The following DIPK1A variants were observed in gnomAD, a reference collection of about 807,000 sequenced individuals.
The protein encoded by DIPK1A is divergent protein kinase domain 1A.
A neutral mutation model predicts 40.8 loss-of-function variants in DIPK1A; 27 were observed. That is an observed-to-expected ratio of 0.66 (90% CI 0.49 to 0.91). The LOEUF is 0.91. Among genes scored for constraint, DIPK1A ranks in the 40% least tolerant of loss-of-function variants. The pLI is 0.00. For missense variants in DIPK1A, 412 were observed against 505.7 expected (o/e 0.81, Z 1.78); for synonymous variants, 166 against 171.3 (o/e 0.97, Z 0.24).
downstream of DIPK1A, chr1:92,841,968 C>A: frequency 2.0e-6 from 2 of 994,126 alleles, no homozygotes; most frequent in South Asian, 1.7e-5. Flanking sequence ...ATAGGAAATA[C>A]CCTGAAATAT....
chr1:92,903,209 C>A (rs1025358320), intron 1 of DIPK1A, among the ~76,000 whole-genome samples: 11 of 152,048 alleles, frequency 7.2e-5, no homozygotes, highest in African/African-American at 2.7e-4. Context: ...CCACTCCAGG[C>A]TAATTTTTGT....
At chr1:92,951,850 A>G (rs1651645452) in intron 1 of DIPK1A, among the ~76,000 whole-genome samples, 1 of 151,852 alleles carries the variant, frequency 6.6e-6, no homozygotes, top group African/African-American at 2.4e-5. Flanking sequence ...ATACCTACCT[A>G]TATTTATCAA....
At chr1:92,904,442 A>C (rs1256483030) in intron 1 of DIPK1A, among the ~76,000 whole-genome samples, 1 of 152,222 alleles carries the variant, frequency 6.6e-6, no homozygotes, top group Non-Finnish European at 1.5e-5. Context: ...TTATGTTTTA[A>C]GTGAATGTTG....
intron 1 of DIPK1A, among the ~76,000 whole-genome samples, chr1:92,894,565 T>C (rs970783101): frequency 2.0e-5 from 3 of 151,926 alleles, no homozygotes; most frequent in African/African-American, 7.3e-5. Flanking sequence ...AGATCTAAAA[T>C]TGACACCCTA....
chr1:92,876,295 C>T lies in DIPK1A; in HGVS notation c.189+1G>A. On this transcript the variant is annotated splice_donor_variant, in intron 2 of 4. Coordinates refer to ENST00000370310, the MANE Select transcript of DIPK1A (RefSeq NM_001006605.5). LOFTEE classifies it high-confidence loss of function. ...GTAAACAGGAAATTTAAAATACTTA[C>T]TATTATTTTCTTACAGTCCTTTCCT... 2 of 1,502,062 alleles carry T rather than the reference C, an allele frequency of 1.3e-6. No individual in the cohort carries two copies. Among genetic ancestry groups the T allele is most frequent in the Non-Finnish European group, 1.8e-6 (2 of 1,113,646 alleles). 93.0% of individuals were successfully genotyped at this position (1,502,062 alleles called of 1,614,324 possible). A position where few individuals can be genotyped will look rare whatever the true frequency, so the allele number is the denominator to read the frequency against.
At chr1:92,910,621 T>A (rs115190770) in intron 1 of DIPK1A, among the ~76,000 whole-genome samples, 3,044 of 151,882 alleles carry the variant, frequency 0.02, 72 homozygotes, top group African/African-American at 0.055. Context: ...AATAAATAAT[T>A]ATTATTAAAA....
intron 1 of DIPK1A, among the ~76,000 whole-genome samples, chr1:92,912,273 T>C (rs1408405146): frequency 6.6e-6 from 1 of 152,050 alleles, no homozygotes; most frequent in Admixed American, 6.6e-5. Flanking sequence ...ATGTTTAAGT[T>C]GCTGCCCCAT....
intron 1 of DIPK1A, among the ~76,000 whole-genome samples, chr1:92,923,863 G>C (rs1650371203): frequency 6.6e-6 from 1 of 151,638 alleles, no homozygotes; most frequent in Non-Finnish European, 1.5e-5. Context: ...GTGTTACACA[G>C]AAATGATGGA....
Position 92,935,870 on chromosome 1 carries a change from C to A in DIPK1A, c.54+25506G>T, listed in dbSNP as rs1057428054. On this transcript the variant is annotated intron_variant, in intron 1 of 4. Coordinates refer to ENST00000370310, the MANE Select transcript of DIPK1A (RefSeq NM_001006605.5). ...GGCTGAGGCGGGAGGATCAGGAGTT[C>A]ACGACCAGCCTGGGTAACAAAGCGA... Among the ~76,000 whole-genome samples, 7 of 151,964 alleles carry A rather than the reference C, an allele frequency of 4.6e-5. No homozygotes were observed. The East Asian group carries it at 1.4e-3, about 29-fold the overall frequency.
chr1:92,933,240 TTAAAA>T (rs1332465478), intron 1 of DIPK1A: 3 of 151,706 alleles, frequency 2.0e-5, no homozygotes, highest in South Asian at 4.2e-4. Context: ...AGAACATAAC[TTAAAA>T]TAAAAATCAA....
chr1:92,871,877 G>A (rs1401522539), intron 2 of DIPK1A, among the ~76,000 whole-genome samples: 3 of 151,882 alleles, frequency 2.0e-5, no homozygotes, highest in Non-Finnish European at 2.9e-5. Context: ...TGGACAGTTG[G>A]CTTGTTTCCA....
At chr1:92,922,364 T>C (rs1166810758) in intron 1 of DIPK1A, among the ~76,000 whole-genome samples, 7 of 151,364 alleles carry the variant, frequency 4.6e-5, no homozygotes, top group Admixed American at 4.6e-4. Context: ...TACTGTAATC[T>C]TATTTAATTG....
intron 2 of DIPK1A, among the ~76,000 whole-genome samples, chr1:92,872,948 T>A (rs1482064004): frequency 6.6e-6 from 1 of 152,214 alleles, no homozygotes; most frequent in East Asian, 1.9e-4. Flanking sequence ...ACAGGATAAC[T>A]GGCTGTATGC....
At chr1:92,868,848 C>T (rs913157113) in intron 2 of DIPK1A, among the ~76,000 whole-genome samples, 1 of 151,716 alleles carries the variant, frequency 6.6e-6, no homozygotes, top group South Asian at 2.1e-4. Context: ...CGCCTGTAAT[C>T]CCAGCTGCTT....
chr1:92,849,096 G>T (rs1369599828), intron 3 of DIPK1A, among the ~76,000 whole-genome samples: 1 of 151,986 alleles, frequency 6.6e-6, no homozygotes, highest in South Asian at 2.1e-4. Flanking sequence ...CCATGCCTAT[G>T]AATTTTTTAT....
chr1:92,864,192 A>G (rs1163532754), intron 2 of DIPK1A, among the ~76,000 whole-genome samples: 1 of 152,262 alleles, frequency 6.6e-6, no homozygotes, highest in Non-Finnish European at 1.5e-5. Flanking sequence ...ATTGATCCTA[A>G]GCAAAGGCAA....
chr1:92,892,038 G>A (rs2481714), intron 1 of DIPK1A, among the ~76,000 whole-genome samples: 103,897 of 151,802 alleles, frequency 0.68, 36,135 homozygotes, highest in East Asian at 0.96. Context: ...GCCCACCGCA[G>A]CTCAAGGAGG....
chr1:92,949,247 C>G lies in DIPK1A; in HGVS notation c.54+12129G>C, dbSNP rs1471360830. Among the ~76,000 whole-genome samples the G allele has an allele frequency of 2.0e-5, 3 of 152,010 alleles. No homozygotes were observed. The East Asian group carries it at 5.8e-4, about 29-fold the overall frequency. ...AACTTAATAAAGTTAATATACTTTC[C>G]AAAATGTATACAATAAATAAAATTT... On this transcript the variant is annotated intron_variant, in intron 1 of 4. Coordinates refer to ENST00000370310, the MANE Select transcript of DIPK1A (RefSeq NM_001006605.5).
intron 1 of DIPK1A, among the ~76,000 whole-genome samples, chr1:92,899,730 A>C (rs1649331729): frequency 6.6e-6 from 1 of 152,110 alleles, no homozygotes; most frequent in Admixed American, 6.5e-5. Context: ...GTGCTCTACA[A>C]GTTTTTTACT....
Sources: allele counts gnomAD v4.1 joint callset (sites outside exome capture counted in the v4.1 genomes callset), GRCh38; gene constraint gnomAD v4.1.1; transcripts MANE v1.5; gene names NCBI Gene and HGNC (gene_info 2026-07-23, HGNC 2026-07-21).